NETO2: variants seen among roughly 807,000 people sequenced by gnomAD.
The protein encoded by NETO2 is neuropilin and tolloid like 2.
In NETO2, 28 loss-of-function variants were observed where a neutral mutation model predicts 62.5. That is an observed-to-expected ratio of 0.45 (90% CI 0.33 to 0.61). The LOEUF is 0.61. Ranked by LOEUF, NETO2 falls within the 20% of genes least tolerant of loss-of-function variation. NETO2 has a pLI of 0.02. For missense variants in NETO2, 548 were observed against 643.2 expected, an observed-to-expected ratio of 0.85 and a Z score of 1.60; for synonymous variants, 214 against 219.1, an observed-to-expected ratio of 0.98 and a Z score of 0.21.
rs1309008193 is a variant in NETO2, at chr16:47,083,951, A to T, written c.998-150T>A. 1.3e-5 allele frequency: 8 copies of T among 618,118 alleles called. 1 individual carries two copies. In the East Asian group the frequency reaches 2.3e-4, roughly 17 times the overall value. The allele number at this position is 618,118 out of a possible 1,614,324, so 38.3% of individuals were successfully genotyped here. On this transcript the variant is annotated intron_variant, in intron 8 of 8. Coordinates refer to ENST00000562435, the MANE Select transcript of NETO2 (RefSeq NM_018092.5). ...TTTACAATTAGGTTTTTAAACAAAT[A>T]AAACAACCCTATTATAATTTCTGGT...
intron 7 of NETO2, among the ~76,000 whole-genome samples, chr16:47,096,986 C>T (rs1963440018): frequency 6.6e-6 from 1 of 152,216 alleles, no homozygotes; most frequent in African/African-American, 2.4e-5. Context: ...ACGGCGCATT[C>T]TGGCCCAGAT....
At chr16:47,097,934 C>G (rs2143846458) in intron 7 of NETO2, among the ~76,000 whole-genome samples, 1 of 152,274 alleles carries the variant, frequency 6.6e-6, no homozygotes, top group East Asian at 1.9e-4. Flanking sequence ...GCAGAGGGGC[C>G]TGACTGTTAG....
chr16:47,092,025 GTTTTTTT>G (rs34629427), intron 7 of NETO2, among the ~76,000 whole-genome samples: 1 of 134,282 alleles, frequency 7.4e-6, no homozygotes, highest in Non-Finnish European at 1.6e-5. Context: ...AACTGTTTTG[GTTTTTTT>G]TTTTTTTTTT....
chr16:47,134,188 C>T lies in NETO2; in HGVS notation c.35-2163G>A, dbSNP rs531000918. Among the ~76,000 whole-genome samples, 12 of 152,292 alleles carry T rather than the reference C, an allele frequency of 7.9e-5. No homozygotes were observed. In the South Asian group the frequency reaches 1.5e-3, roughly 18 times the overall value. ...GGGTGTCTACTACCAAAGTCACCAACGTAGAAATGGTTAAGAGGTAGCTCT... is the reference window on the plus strand; with the variant it reads ...GGGTGTCTACTACCAAAGTCACCAATGTAGAAATGGTTAAGAGGTAGCTCT... On this transcript the variant is annotated intron_variant, in intron 1 of 8. Coordinates refer to ENST00000562435, the MANE Select transcript of NETO2 (RefSeq NM_018092.5).
At chr16:47,102,793 C>T (rs1358545683) in intron 7 of NETO2, among the ~76,000 whole-genome samples, 1 of 152,170 alleles carries the variant, frequency 6.6e-6, no homozygotes, top group East Asian at 1.9e-4. Context: ...CAGAAAACAA[C>T]AGATGCTGGA....
intron 6 of NETO2, among the ~76,000 whole-genome samples, chr16:47,110,833 G>A (rs905183734): frequency 6.6e-6 from 1 of 151,156 alleles, no homozygotes; most frequent in African/African-American, 2.4e-5. Flanking sequence ...ATACCTTGAT[G>A]GCATAAAACT....
At chr16:47,124,551 G>A (rs989931226) in intron 4 of NETO2, among the ~76,000 whole-genome samples, 1 of 152,072 alleles carries the variant, frequency 6.6e-6, no homozygotes, top group Admixed American at 6.5e-5. Context: ...GACATATTTA[G>A]CTAATTATGC....
chr16:47,143,618 C>CG lies in NETO2; in HGVS notation c.-7dup. 8.2e-7 allele frequency: 1 copy of CG among 1,221,970 alleles called. No homozygotes were observed. The highest frequency in any genetic ancestry group is 1.0e-6 in the Non-Finnish European group (1 of 977,888). The allele number at this position is 1,221,970 out of a possible 1,614,324, so 75.7% of individuals were successfully genotyped here. ...CAGAGCCGCTCCAGGGCCATGTTCC[C>CG]GAGCTGCCCGGCGCTTCGCGAAGGG... On this transcript the variant is annotated 5_prime_UTR_variant, in exon 1 of 9. Coordinates refer to ENST00000562435, the MANE Select transcript of NETO2 (RefSeq NM_018092.5).
chr16:47,143,536 GC>G, intron 1 of NETO2, 42 bp downstream of exon 1: 1 of 1,220,118 alleles, frequency 8.2e-7, no homozygotes, highest in Non-Finnish European at 1.0e-6. Context: ...GCCAGCCTCG[GC>G]CCGCAGGGGG....
At chr16:47,122,306 G>C (rs1384335403) in intron 6 of NETO2, among the ~76,000 whole-genome samples, 1 of 152,078 alleles carries the variant, frequency 6.6e-6, no homozygotes, top group Non-Finnish European at 1.5e-5. Flanking sequence ...ACCTCTTGTA[G>C]CCTATTTTCT....
chr16:47,079,249 C>G lies in NETO2; in HGVS notation c.*3972G>C, dbSNP rs920243410. On this transcript the variant is annotated 3_prime_UTR_variant, in exon 9 of 9. Coordinates refer to ENST00000562435, the MANE Select transcript of NETO2 (RefSeq NM_018092.5). ...TGAGCCGAGATCACGCCACTGCACT[C>G]TAGCCTGGGTGACAGAGCGAGACTC... is the stretch of plus-strand genomic sequence containing the variant. 6.7e-6 allele frequency: 1 copy of G among 149,552 alleles called. No homozygotes were observed. The highest frequency in any genetic ancestry group is 2.5e-5 in the African/African-American group (1 of 40,390). The allele number at this position is 149,552 out of a possible 1,614,324, so 9.3% of individuals were successfully genotyped here.
At position 47,077,823 on chromosome 16, in the gene NETO2, TTTC is replaced by T. The variant is rs1596690966; in HGVS notation, c.*5395_*5397del. ...AGAGACAGACCAGTGGTAAACCTTC[TTTC>T]TTCTTCCTCTGTGCCCTGATCTGTG... is the stretch of plus-strand genomic sequence containing the variant. On this transcript the variant is annotated 3_prime_UTR_variant, in exon 9 of 9. Coordinates refer to ENST00000562435, the MANE Select transcript of NETO2 (RefSeq NM_018092.5). 2 of 151,210 alleles carry T rather than the reference TTTC, an allele frequency of 1.3e-5. No homozygotes were observed. The highest frequency in any genetic ancestry group is 3.9e-4 in the East Asian group (2 of 5,180). The allele number at this position is 151,210 out of a possible 1,614,324, so 9.4% of individuals were successfully genotyped here.
chr16:47,112,037 C>G (rs1195523242), intron 6 of NETO2, among the ~76,000 whole-genome samples: 1 of 152,096 alleles, frequency 6.6e-6, no homozygotes, highest in African/African-American at 2.4e-5. Context: ...TATTTGTATA[C>G]TCTTAAACAT....
At chr16:47,140,724 C>T (rs1198022889) in intron 1 of NETO2, among the ~76,000 whole-genome samples, 3 of 152,178 alleles carry the variant, frequency 2.0e-5, no homozygotes, top group African/African-American at 4.8e-5. Flanking sequence ...CAGTACCACA[C>T]TTATTTCTGT....
chr16:47,110,986 A>G (rs552399791), intron 6 of NETO2, among the ~76,000 whole-genome samples: 4 of 152,238 alleles, frequency 2.6e-5, no homozygotes, highest in African/African-American at 4.8e-5. Flanking sequence ...TCAAAACTTT[A>G]CAAAGTCTTC....
At chr16:47,113,573 C>G (rs747490157) in intron 6 of NETO2, among the ~76,000 whole-genome samples, 264 of 150,628 alleles carry the variant, frequency 1.8e-3, no homozygotes, top group Non-Finnish European at 3.0e-3. Context: ...TATGGATGTA[C>G]CACAGTTTAT....
chr16:47,119,148 T>C (rs1057110949), intron 6 of NETO2, among the ~76,000 whole-genome samples: 1 of 151,676 alleles, frequency 6.6e-6, no homozygotes, highest in African/African-American at 2.4e-5. Context: ...TTATGTTTTT[T>C]TCTTTTTCTT....
intron 6 of NETO2, among the ~76,000 whole-genome samples, chr16:47,112,016 G>A (rs1963811383): frequency 6.6e-6 from 1 of 152,086 alleles, no homozygotes; most frequent in Non-Finnish European, 1.5e-5. Flanking sequence ...GATAAAAGTG[G>A]ACTAAAACAC....
At chr16:47,089,253 G>A (rs1228253532) in intron 7 of NETO2, among the ~76,000 whole-genome samples, 1 of 152,160 alleles carries the variant, frequency 6.6e-6, no homozygotes, top group Admixed American at 6.5e-5. Context: ...GTCCACAATA[G>A]CTACGAACTG....
Sources: allele counts gnomAD v4.1 joint callset (sites outside exome capture counted in the v4.1 genomes callset), GRCh38; gene constraint gnomAD v4.1.1; transcripts MANE v1.5; gene names NCBI Gene and HGNC (gene_info 2026-07-23, HGNC 2026-07-21).